WWOX: variants seen among roughly 807,000 people sequenced by gnomAD.
The protein encoded by WWOX is WW domain containing oxidoreductase.
Under a neutral mutation model 46.2 loss-of-function variants are expected in WWOX, and 69 were observed. The ratio of observed to expected loss-of-function variants is 1.49; its 90% CI spans 1.23 to 1.82. The LOEUF (loss-of-function observed/expected upper bound fraction) is 1.82. Among genes scored for constraint, WWOX ranks in the 40% most tolerant of loss-of-function variants. The pLI is 0.00. For missense variants in WWOX, 919 were observed against 542.6 expected (o/e 1.69, Z -6.89); for synonymous variants, 359 against 202.6 (o/e 1.77, Z -6.56).
chr16:79,078,610 A>G (rs1171698599), intron 8 of WWOX, among the ~76,000 whole-genome samples: 1 of 152,216 alleles, frequency 6.6e-6, no homozygotes, highest in African/African-American at 2.4e-5. Flanking sequence ...GGGAGCATTT[A>G]ACACAGTTCC....
intron 8 of WWOX, among the ~76,000 whole-genome samples, chr16:79,119,789 T>C (rs1307782255): frequency 6.6e-6 from 1 of 152,144 alleles, no homozygotes; most frequent in East Asian, 1.9e-4. Context: ...TGAACCCTAT[T>C]AACCTCATAG....
At chr16:78,457,841 G>T (rs1007417223) in intron 8 of WWOX, among the ~76,000 whole-genome samples, 1 of 150,726 alleles carries the variant, frequency 6.6e-6, no homozygotes, top group Non-Finnish European at 1.5e-5. Context: ...GCCTGATCCC[G>T]GGAGGCGGAG....
At chr16:78,644,960 A>C (rs909946305) in intron 8 of WWOX, among the ~76,000 whole-genome samples, 1 of 152,244 alleles carries the variant, frequency 6.6e-6, no homozygotes, top group Non-Finnish European at 1.5e-5. Flanking sequence ...CGTTACTATT[A>C]GTAAACGGTG....
chr16:78,645,325 A>G (rs1398616652), intron 8 of WWOX, among the ~76,000 whole-genome samples: 1 of 152,062 alleles, frequency 6.6e-6, no homozygotes, highest in Non-Finnish European at 1.5e-5. Flanking sequence ...TGCTTTAACA[A>G]ATGACCACCC....
intron 8 of WWOX, among the ~76,000 whole-genome samples, chr16:78,727,037 T>A (rs1264274409): frequency 1.3e-5 from 2 of 152,184 alleles, no homozygotes; most frequent in Non-Finnish European, 2.9e-5. Flanking sequence ...GTTGCCTTAT[T>A]CCAGCACGTG....
At chr16:78,441,358 T>C (rs1039904830) in intron 8 of WWOX, among the ~76,000 whole-genome samples, 1 of 152,226 alleles carries the variant, frequency 6.6e-6, no homozygotes, top group African/African-American at 2.4e-5. Flanking sequence ...GACCAGGTGC[T>C]GAATCAGTGA....
intron 6 of WWOX, among the ~76,000 whole-genome samples, chr16:78,390,517 A>G (rs532998183): frequency 1.3e-5 from 2 of 152,302 alleles, no homozygotes; most frequent in East Asian, 3.9e-4. Context: ...CCCTCTTTGT[A>G]TGTGTCCCAT....
chr16:78,982,526 C>T (rs536874238), intron 8 of WWOX, among the ~76,000 whole-genome samples: 1 of 152,172 alleles, frequency 6.6e-6, no homozygotes, highest in Non-Finnish European at 1.5e-5. Flanking sequence ...TAGACTTTAA[C>T]TGACAGATTC....
At chr16:78,575,943 T>A (rs2151580799) in intron 8 of WWOX, among the ~76,000 whole-genome samples, 1 of 151,244 alleles carries the variant, frequency 6.6e-6, no homozygotes, top group South Asian at 2.1e-4. Flanking sequence ...GAGATTAAAT[T>A]TTACCCTGTG....
At chr16:78,522,190 T>C (rs2043363219) in intron 8 of WWOX, among the ~76,000 whole-genome samples, 1 of 150,960 alleles carries the variant, frequency 6.6e-6, no homozygotes, top group Non-Finnish European at 1.5e-5. Flanking sequence ...GATTTATTCA[T>C]CTTTGGTGTA....
chr16:78,486,879 G>T (rs565596131), intron 8 of WWOX, among the ~76,000 whole-genome samples: 3 of 152,280 alleles, frequency 2.0e-5, no homozygotes, highest in South Asian at 4.1e-4. Flanking sequence ...ACCATTGTCT[G>T]TCAGGTTTAA....
chr16:78,248,420 C>T (rs1205671986), intron 5 of WWOX, among the ~76,000 whole-genome samples: 1 of 152,190 alleles, frequency 6.6e-6, no homozygotes, highest in African/African-American at 2.4e-5. Context: ...CACCAGGCCC[C>T]ACCTCCAACG....
intron 8 of WWOX, among the ~76,000 whole-genome samples, chr16:79,098,015 A>G (rs1394003797): frequency 6.6e-6 from 1 of 152,154 alleles, no homozygotes; most frequent in African/African-American, 2.4e-5. Flanking sequence ...AAGCATTAAT[A>G]TGTCTGGAAC....
chr16:78,735,159 G>A (rs144430050), intron 8 of WWOX, among the ~76,000 whole-genome samples: 3 of 151,892 alleles, frequency 2.0e-5, no homozygotes, highest in East Asian at 2.0e-4. Context: ...GAGCCACCAC[G>A]TCTGGCCTGA....
chr16:78,512,692 T>C (rs1269777495), intron 8 of WWOX, among the ~76,000 whole-genome samples: 3 of 152,170 alleles, frequency 2.0e-5, no homozygotes, highest in Non-Finnish European at 2.9e-5. Context: ...TTTCATGTTA[T>C]TATGTATATG....
At chr16:78,509,254 C>T (rs1301500552) in intron 8 of WWOX, among the ~76,000 whole-genome samples, 1 of 152,202 alleles carries the variant, frequency 6.6e-6, no homozygotes, top group Non-Finnish European at 1.5e-5. Context: ...GCCTGGCCAA[C>T]ATGGCAAAAC....
At chr16:78,217,043 A>C (rs896887650) in intron 5 of WWOX, among the ~76,000 whole-genome samples, 5 of 152,288 alleles carry the variant, frequency 3.3e-5, no homozygotes, top group African/African-American at 1.2e-4. Flanking sequence ...TTTTAATGCG[A>C]GGTAATTAAC....
At chr16:78,546,957 C>T (rs2044047737) in intron 8 of WWOX, among the ~76,000 whole-genome samples, 1 of 151,490 alleles carries the variant, frequency 6.6e-6, no homozygotes, top group African/African-American at 2.4e-5. Flanking sequence ...TGAAACCCTA[C>T]CTCTACAAAA....
At chr16:78,261,271 A>G (rs2079225781) in intron 5 of WWOX, among the ~76,000 whole-genome samples, 1 of 124,946 alleles carries the variant, frequency 8.0e-6, no homozygotes, top group Admixed American at 7.9e-5. Context: ...AGGTAGATAG[A>G]TAGATAGATA....
Sources: allele counts gnomAD v4.1 joint callset (sites outside exome capture counted in the v4.1 genomes callset), GRCh38; gene constraint gnomAD v4.1.1; transcripts MANE v1.5; gene names NCBI Gene and HGNC (gene_info 2026-07-23, HGNC 2026-07-21).